Variants in SASH1 observed in about 807,000 individuals in gnomAD.
SASH1 encodes SAM and SH3 domain-containing protein 1.
SASH1 carries 44 observed loss-of-function variants against 125.2 expected under a neutral mutation model. The observed-to-expected ratio is 0.35, with a 90% CI of 0.28 to 0.45. SASH1 has a LOEUF of 0.45. Among genes scored for constraint, SASH1 ranks in the 20% least tolerant of loss-of-function variants. The pLI is 1.00. For synonymous variants in SASH1, 639 were observed against 649.1 expected, an observed-to-expected ratio of 0.98 and a Z score of 0.24; for missense variants, 1,426 against 1,614.5, an observed-to-expected ratio of 0.88 and a Z score of 2.00.
At chr6:148,542,666 T>G (rs1257644747) in intron 17 of SASH1, among the ~76,000 whole-genome samples, 2 of 152,232 alleles carry the variant, frequency 1.3e-5, no homozygotes. Context: ...ATGATTTTTC[T>G]AATAATGAAA....
Position 148,544,693 on chromosome 6 carries a change from G to A in SASH1, c.3223G>A (p.Val1075Met), listed in dbSNP as rs767351142. ...GAACACAAGCCTCCAGGAGCACGGT[G>A]TGAAGCTGGGCCCGGCTTTGACCAG... ...PENTSLQEHG[V>M]KLGPALTRKV... The change falls in exon 18 of 20, where the codon GTG becomes ATG. Residue 1075 changes from valine (V) to methionine (M), a missense_variant. Physicochemically the swap from Val to Met is conservative, Grantham distance 21. Coordinates refer to ENST00000367467, the MANE Select transcript of SASH1 (RefSeq NM_015278.5). This position sits in a 1 kb window ranked among gnomAD's most constrained non-coding sequence, Gnocchi z 6.4. 4 of 1,612,598 alleles carry A rather than the reference G, an allele frequency of 2.5e-6. No homozygotes were observed. The highest frequency in any genetic ancestry group is 1.1e-5 in the South Asian group (1 of 90,732).
At chr6:148,516,126 G>C (rs1048885221) in intron 9 of SASH1, among the ~76,000 whole-genome samples, 11 of 152,224 alleles carry the variant, frequency 7.2e-5, no homozygotes, top group African/African-American at 2.7e-4. Flanking sequence ...AACGTAAAAA[G>C]TAATAACCAT....
intron 1 of SASH1, among the ~76,000 whole-genome samples, chr6:148,308,491 G>A (rs1298843714): frequency 1.3e-5 from 2 of 151,282 alleles, no homozygotes; most frequent in African/African-American, 4.9e-5. Context: ...CGCTTCCCAG[G>A]TTCAAGCAAT....
At chr6:148,320,393 G>C (rs1368868028) in intron 1 of SASH1, among the ~76,000 whole-genome samples, 1 of 152,196 alleles carries the variant, frequency 6.6e-6, no homozygotes, top group Non-Finnish European at 1.5e-5. Flanking sequence ...CCTTTGGGCA[G>C]GTATGACCTT....
intron 4 of SASH1, among the ~76,000 whole-genome samples, chr6:148,447,942 C>A (rs548508767): frequency 4.8e-4 from 73 of 152,268 alleles, no homozygotes; most frequent in Non-Finnish European, 8.7e-4. Flanking sequence ...ACCATTACCC[C>A]CCGCTGCCCA....
At position 148,532,202 on chromosome 6, in the gene SASH1, C is replaced by T. The variant is rs959320391; in HGVS notation, c.1564+541C>T. ...AAGGGATCCTCCTGCCTCAGCCTTCCGCATAGCTGTACTACAGGGTCATGC... is the reference window on the plus strand; with the variant it reads ...AAGGGATCCTCCTGCCTCAGCCTTCTGCATAGCTGTACTACAGGGTCATGC... On this transcript the variant is annotated intron_variant, in intron 13 of 19. Coordinates refer to ENST00000367467, the MANE Select transcript of SASH1 (RefSeq NM_015278.5). This position sits in a 1 kb window ranked among gnomAD's most constrained non-coding sequence, Gnocchi z 4.7. Among the ~76,000 whole-genome samples the T allele has an allele frequency of 6.6e-5, 10 of 152,066 alleles. No homozygotes were observed. Among genetic ancestry groups the T allele is most frequent in the Admixed American group, 3.3e-4 (5 of 15,270 alleles).
chr6:148,492,557 C>G (rs1257134227), intron 8 of SASH1, among the ~76,000 whole-genome samples: 1 of 152,180 alleles, frequency 6.6e-6, no homozygotes, highest in Non-Finnish European at 1.5e-5. Flanking sequence ...GTGGCTCACA[C>G]CTGTAATCCC....
chr6:148,476,884 A>G (rs1295552718), intron 7 of SASH1, among the ~76,000 whole-genome samples: 1 of 152,190 alleles, frequency 6.6e-6, no homozygotes. Flanking sequence ...CCAATGGAAT[A>G]GAATAGAGAG....
intron 2 of SASH1, among the ~76,000 whole-genome samples, chr6:148,421,153 GAAA>G: frequency 2.5e-5 from 2 of 81,070 alleles, no homozygotes; most frequent in South Asian, 7.9e-4. Context: ...AAGGAAGAAA[GAAA>G]GAAAGAAAGA....
the SASH1 span, among the ~76,000 whole-genome samples, chr6:148,251,338 A>G: frequency 5.3e-5 from 8 of 152,186 alleles, no homozygotes; most frequent in Admixed American, 5.2e-4. Flanking sequence ...AATTTTTTTC[A>G]TTTAAAAAGT....
At chr6:148,218,430 T>G in the SASH1 span, among the ~76,000 whole-genome samples, 24 of 152,164 alleles carry the variant, frequency 1.6e-4, no homozygotes, top group Non-Finnish European at 3.2e-4. Context: ...AACAGAAAAC[T>G]GTTCTTTTTC....
rs1260151548 is a variant in SASH1 at position 148,342,992 on chromosome 6, C to T, written c.-76C>T. ...ACGCCGCGGGCGGGGACCCGGCATC[C>T]GGGCAGGCTGCGCGCGGGTGCGGGG... On this transcript the variant is annotated 5_prime_UTR_variant, in exon 1 of 20. Coordinates refer to ENST00000367467, the MANE Select transcript of SASH1 (RefSeq NM_015278.5). The T allele has an allele frequency of 7.5e-6, 8 of 1,060,434 alleles. No individual in the cohort carries two copies. The highest frequency in any genetic ancestry group is 5.5e-5 in the Admixed American group (1 of 18,308). 65.7% of individuals were successfully genotyped at this position (1,060,434 alleles called of 1,614,324 possible).
the SASH1 span, among the ~76,000 whole-genome samples, chr6:148,246,817 G>T: frequency 2.0e-5 from 3 of 152,288 alleles, no homozygotes; most frequent in African/African-American, 7.2e-5. Context: ...AAAAGTTTGC[G>T]TCGCTACGAG....
intron 1 of SASH1, among the ~76,000 whole-genome samples, chr6:148,324,088 C>G (rs953877700): frequency 1.7e-5 from 2 of 117,024 alleles, no homozygotes; most frequent in African/African-American, 6.7e-5. Flanking sequence ...CCACTGCACG[C>G]CAGCGTGGTG....
chr6:148,390,205 C>T lies in SASH1; in HGVS notation c.228C>T (p.Asp76=), dbSNP rs749204773. 41 of 1,613,296 alleles carry T rather than the reference C, an allele frequency of 2.5e-5. No individual in the cohort carries two copies. The highest frequency in any genetic ancestry group is 3.4e-5 in the Non-Finnish European group (40 of 1,179,776). Residue 76 remains aspartate, a synonymous_variant, in exon 2 of 20, where the codon GAC becomes GAT. Coordinates refer to ENST00000367467, the MANE Select transcript of SASH1 (RefSeq NM_015278.5). ...ATTATTACAACACCTGTTTCTCCGA[C>T]GTGTGCGAGAGGATGGAGGAGCTGC... The part of the protein sequence containing the change: ...YADYYNTCFS[D]VCERMEELRK...
At chr6:148,363,511 C>G (rs1782330929) in intron 1 of SASH1, among the ~76,000 whole-genome samples, 1 of 152,036 alleles carries the variant, frequency 6.6e-6, no homozygotes, top group African/African-American at 2.4e-5. Context: ...AAGCAATTCT[C>G]TGCCTCAGCC....
At chr6:148,254,954 C>A in the SASH1 span, among the ~76,000 whole-genome samples, 2 of 151,788 alleles carry the variant, frequency 1.3e-5, no homozygotes, top group African/African-American at 4.8e-5. Context: ...GGAAATAACC[C>A]AAATGTCCAT....
chr6:148,430,696 C>T (rs983229920), intron 2 of SASH1, among the ~76,000 whole-genome samples: 1 of 152,200 alleles, frequency 6.6e-6, no homozygotes, highest in Non-Finnish European at 1.5e-5. Flanking sequence ...CAATACACAT[C>T]ACTGGGGAAT....
intron 1 of SASH1, among the ~76,000 whole-genome samples, chr6:148,306,997 C>A (rs1780144379): frequency 6.6e-6 from 1 of 152,036 alleles, no homozygotes; most frequent in South Asian, 2.1e-4. Context: ...CTTGTCACAT[C>A]CTCAGCACAA....
Sources: allele counts gnomAD v4.1 joint callset (sites outside exome capture counted in the v4.1 genomes callset), GRCh38; gene constraint gnomAD v4.1.1; non-coding constraint Gnocchi (gnomAD v3.1); transcripts MANE v1.5; gene names NCBI Gene and HGNC (gene_info 2026-07-23, HGNC 2026-07-21).